The following SLC28A3 variants were observed in gnomAD, a reference collection of about 807,000 sequenced individuals.
The protein encoded by SLC28A3 is solute carrier family 28 member 3.
In SLC28A3, 68 loss-of-function variants were observed where a neutral mutation model predicts 84.2. The observed-to-expected ratio is 0.81, with a 90% CI of 0.66 to 0.99. The LOEUF (loss-of-function observed/expected upper bound fraction) is 0.99. SLC28A3 is among the 50% of genes least tolerant of loss of function. The probability of loss-of-function intolerance (pLI) is 0.00; values close to 1 mark genes in which losing one functional copy is unlikely to be tolerated. For missense variants in SLC28A3, 712 were observed against 841.5 expected (o/e 0.85, Z 1.90); for synonymous variants, 267 against 303.6 (o/e 0.88, Z 1.25).
intron 4 of SLC28A3, 30 bp from the exon 5 acceptor site, chr9:84,302,419 C>T (rs1825668300): frequency 1.9e-6 from 3 of 1,602,244 alleles, no homozygotes; most frequent in African/African-American, 1.3e-5. Flanking sequence ...AGACACTGAA[C>T]ATCACTAACC....
At chr9:84,342,594 T>G (rs1210522492), upstream of SLC28A3, among the ~76,000 whole-genome samples, 1 of 151,788 alleles carries the variant, frequency 6.6e-6, no homozygotes, top group Non-Finnish European at 1.5e-5. Flanking sequence ...TTTTTTTTTT[T>G]TTGGTAGAAC....
chr9:84,329,774 C>T (rs1421972188), intron 1 of SLC28A3, among the ~76,000 whole-genome samples: 2 of 152,058 alleles, frequency 1.3e-5, no homozygotes, highest in African/African-American at 4.8e-5. Context: ...TGATGCATGC[C>T]TGTAGTCCCA....
intron 12 of SLC28A3, 112 bp from the exon 13 acceptor site, chr9:84,286,223 C>T: frequency 5.0e-6 from 5 of 998,950 alleles, no homozygotes; most frequent in South Asian, 1.7e-5. Flanking sequence ...CTCTAAGGCC[C>T]CTGCCTTGCT....
At chr9:84,341,443 T>C (rs1827156965), upstream of SLC28A3, among the ~76,000 whole-genome samples, 1 of 152,228 alleles carries the variant, frequency 6.6e-6, no homozygotes, top group South Asian at 2.1e-4. Flanking sequence ...GATAGATACA[T>C]AGACAGATAG....
chr9:84,355,511 T>C, the SLC28A3 span, among the ~76,000 whole-genome samples: 1 of 152,198 alleles, frequency 6.6e-6, no homozygotes, highest in Non-Finnish European at 1.5e-5. Flanking sequence ...CCAGATATCA[T>C]GAACTTCTGA....
chr9:84,333,962 C>G (rs1179879213), intron 1 of SLC28A3, among the ~76,000 whole-genome samples: 1 of 152,230 alleles, frequency 6.6e-6, no homozygotes, highest in African/African-American at 2.4e-5. Context: ...GAATCCTGTG[C>G]ATTATGAAAT....
chr9:84,351,126 T>C, the SLC28A3 span, among the ~76,000 whole-genome samples: 1 of 152,216 alleles, frequency 6.6e-6, no homozygotes, highest in Non-Finnish European at 1.5e-5. Context: ...TTCTTTATAG[T>C]CTTATTCTAT....
chr9:84,288,118 C>T lies in SLC28A3; in HGVS notation c.1210G>A (p.Ala404Thr). The T allele has an allele frequency of 1.9e-6, 3 of 1,614,102 alleles. No homozygotes were observed. Among genetic ancestry groups the T allele is most frequent in the Non-Finnish European group, 2.5e-6 (3 of 1,179,990 alleles). ...TCTGTCTCAGGCCAAAAGAGTTTAGCAGCAGCCAATGACGCAGGTGCTGAC... is the reference window on the plus strand; with the variant it reads ...TCTGTCTCAGGCCAAAAGAGTTTAGTAGCAGCCAATGACGCAGGTGCTGAC... ...VMSAPASLAA[A>T]KLFWPETEKP... The change falls in exon 12 of 18, where the codon GCT becomes ACT. Residue 404 changes from alanine (A) to threonine (T), a missense_variant. By Grantham distance (58) the Ala-to-Thr change is moderately conservative (BLOSUM62 0). Coordinates refer to ENST00000376238, the MANE Select transcript of SLC28A3 (RefSeq NM_001199633.2).
chr9:84,365,174 C>T, the SLC28A3 span, among the ~76,000 whole-genome samples: 1 of 152,172 alleles, frequency 6.6e-6, no homozygotes, highest in East Asian at 1.9e-4. Context: ...TTCATTCTCA[C>T]CAGCATTTGT....
chr9:84,351,797 A>G, the SLC28A3 span, among the ~76,000 whole-genome samples: 1 of 152,050 alleles, frequency 6.6e-6, no homozygotes, highest in Non-Finnish European at 1.5e-5. Context: ...GTGGTTATGT[A>G]AGAGAATGTC....
intron 1 of SLC28A3, among the ~76,000 whole-genome samples, chr9:84,315,320 G>T (rs2118446450): frequency 6.6e-6 from 1 of 152,272 alleles, no homozygotes; most frequent in African/African-American, 2.4e-5. Flanking sequence ...CTACTGAGCA[G>T]GCCACATTCT....
the SLC28A3 span, among the ~76,000 whole-genome samples, chr9:84,352,851 C>T: frequency 4.6e-5 from 6 of 129,634 alleles, no homozygotes; most frequent in South Asian, 2.4e-4. Context: ...CAAGATCGCA[C>T]GACTGAACTG....
At chr9:84,281,365 A>G (rs1372891268) in intron 14 of SLC28A3, among the ~76,000 whole-genome samples, 1 of 152,238 alleles carries the variant, frequency 6.6e-6, no homozygotes, top group East Asian at 1.9e-4. Flanking sequence ...TACTTCACAA[A>G]AGCTATGCAA....
intron 1 of SLC28A3, among the ~76,000 whole-genome samples, chr9:84,324,389 A>G (rs1266905127): frequency 6.6e-6 from 1 of 152,212 alleles, no homozygotes; most frequent in Non-Finnish European, 1.5e-5. Context: ...TCATACCTGT[A>G]ATCCCAGCAC....
chr9:84,303,213 T>C (rs12348753), intron 4 of SLC28A3, among the ~76,000 whole-genome samples: 16,864 of 152,060 alleles, frequency 0.11, 1,105 homozygotes, highest in African/African-American at 0.19. Flanking sequence ...AATTCCTTCC[T>C]AAGGAGTCAG....
chr9:84,340,607 G>A lies in SLC28A3; in HGVS notation c.27C>T (p.Pro9=). MELRSTAA[P]RAEGYSNVGF... is the part of the protein sequence containing the mutation. ...CCACGTTGCTGTAGCCCTCAGCTCT[G>A]GGGGCTGCTGTACTCCTCAGCTCCA... Residue 9 remains proline, a synonymous_variant, in exon 1 of 18, where the codon CCC becomes CCT. Coordinates refer to ENST00000376238, the MANE Select transcript of SLC28A3 (RefSeq NM_001199633.2). 2 of 1,614,144 alleles carry A rather than the reference G, an allele frequency of 1.2e-6. No homozygotes were observed. The highest frequency in any genetic ancestry group is 1.7e-6 in the Non-Finnish European group (2 of 1,180,016).
intron 1 of SLC28A3, among the ~76,000 whole-genome samples, chr9:84,326,367 A>C (rs543916955): frequency 2.6e-5 from 4 of 152,140 alleles, no homozygotes; most frequent in Admixed American, 6.6e-5. Flanking sequence ...TATTGGTACC[A>C]AGGTTATCAA....
intron 1 of SLC28A3, among the ~76,000 whole-genome samples, chr9:84,320,896 G>T (rs1321254349): frequency 6.6e-6 from 1 of 150,976 alleles, no homozygotes; most frequent in Non-Finnish European, 1.5e-5. Flanking sequence ...AACCGGGGAG[G>T]CAGAGGTTGC....
chr9:84,327,939 A>AG (rs1200894266), intron 1 of SLC28A3, among the ~76,000 whole-genome samples: 10 of 151,128 alleles, frequency 6.6e-5, no homozygotes, highest in South Asian at 6.3e-4. Context: ...AAAAAAAAAA[A>AG]AAAGAAAGAA....
Sources: allele counts gnomAD v4.1 joint callset (sites outside exome capture counted in the v4.1 genomes callset), GRCh38; gene constraint gnomAD v4.1.1; transcripts MANE v1.5; gene names NCBI Gene and HGNC (gene_info 2026-07-23, HGNC 2026-07-21).